MCC: variants seen among roughly 807,000 people sequenced by gnomAD.
The protein encoded by MCC is MCC regulator of Wnt signaling pathway.
A neutral mutation model predicts 116.2 loss-of-function variants in MCC; 90 were observed. The observed-to-expected ratio is 0.77, with a 90% CI of 0.65 to 0.92. The LOEUF (loss-of-function observed/expected upper bound fraction) is 0.92, where lower values mean the gene tolerates loss of function less well. Ranked by LOEUF, MCC falls within the 40% of genes least tolerant of loss-of-function variation. The probability of loss-of-function intolerance (pLI) is 0.00; values close to 1 mark genes in which losing one functional copy is unlikely to be tolerated. For missense variants in MCC, 1,516 were observed against 1,312.2 expected (o/e 1.16, Z -2.40); for synonymous variants, 578 against 510.5 (o/e 1.13, Z -1.78).
chr5:113,138,489 T>C (rs1231281010), intron 5 of MCC, among the ~76,000 whole-genome samples: 1 of 152,134 alleles, frequency 6.6e-6, no homozygotes, highest in Non-Finnish European at 1.5e-5. Flanking sequence ...CTTCCCTCCA[T>C]GTGAGGACAC....
intron 3 of MCC, among the ~76,000 whole-genome samples, chr5:113,157,693 G>C (rs916825038): frequency 6.6e-5 from 10 of 152,230 alleles, no homozygotes; most frequent in African/African-American, 2.2e-4. Context: ...TTCCCACTGA[G>C]TAATGACAGG....
chr5:113,204,659 A>G (rs1762833271), intron 3 of MCC: 1 of 152,262 alleles, frequency 6.6e-6, no homozygotes, highest in Non-Finnish European at 1.5e-5. Context: ...CTCCAGGCAG[A>G]AAACCATGGC....
chr5:113,084,799 T>G (rs780143902), intron 9 of MCC, among the ~76,000 whole-genome samples: 2 of 152,198 alleles, frequency 1.3e-5, no homozygotes, highest in Non-Finnish European at 2.9e-5. Flanking sequence ...GGGGAGATCA[T>G]TGGTTCATTA....
chr5:113,257,039 T>A (rs1176957456), intron 3 of MCC, among the ~76,000 whole-genome samples: 1 of 152,194 alleles, frequency 6.6e-6, no homozygotes, highest in Non-Finnish European at 1.5e-5. Flanking sequence ...TACATCTCGT[T>A]GCACCAAGTG....
At chr5:113,102,968 G>C (rs1756514904) in intron 7 of MCC, among the ~76,000 whole-genome samples, 1 of 152,092 alleles carries the variant, frequency 6.6e-6, no homozygotes, top group African/African-American at 2.4e-5. Context: ...ACAAAATTTA[G>C]CCGGGCGTGG....
chr5:113,111,135 T>C (rs1433607605), intron 6 of MCC, among the ~76,000 whole-genome samples: 1 of 152,250 alleles, frequency 6.6e-6, no homozygotes, highest in African/African-American at 2.4e-5. Context: ...CTTAGGTTTT[T>C]ATGTTGCTGT....
Position 113,025,951 on chromosome 5 carries a change from T to C in MCC, c.*1351A>G, listed in dbSNP as rs1373175008. ...TCAGCTATGGCAATGGAACACATTT[T>C]TCATAGGGAACTTTGGATGGATTCT... On this transcript the variant is annotated 3_prime_UTR_variant, in exon 19 of 19. Coordinates refer to ENST00000408903, the MANE Select transcript of MCC (RefSeq NM_001085377.2). The C allele has an allele frequency of 6.6e-6, 1 of 152,236 alleles. No individual in the cohort carries two copies. The highest frequency in any genetic ancestry group is 1.5e-5 in the Non-Finnish European group (1 of 68,048). 9.4% of individuals were successfully genotyped at this position (152,236 alleles called of 1,614,324 possible). A position where few individuals can be genotyped will look rare whatever the true frequency, so the allele number is the denominator to read the frequency against.
chr5:113,177,987 T>G (rs914420845), intron 3 of MCC, among the ~76,000 whole-genome samples: 2 of 152,258 alleles, frequency 1.3e-5, no homozygotes, highest in Non-Finnish European at 1.5e-5. Flanking sequence ...TATTTCACTA[T>G]GTTAAACCTG....
intron 3 of MCC, among the ~76,000 whole-genome samples, chr5:113,334,430 T>A (rs1767820976): frequency 6.6e-6 from 1 of 151,158 alleles, no homozygotes; most frequent in Non-Finnish European, 1.5e-5. Flanking sequence ...ATGGTCAGAC[T>A]CCCGGGTTCA....
At chr5:113,374,014 A>T (rs775522624) in intron 2 of MCC, among the ~76,000 whole-genome samples, 1 of 151,752 alleles carries the variant, frequency 6.6e-6, no homozygotes, top group Non-Finnish European at 1.5e-5. Flanking sequence ...CTTCCACTTC[A>T]GCCTCCTGGG....
chr5:113,087,942 A>C lies in MCC; in HGVS notation c.1399-2632T>G, dbSNP rs562843243. ...ATGTAGATGACACTAAAACATAAAAACAGTCAAAGTGCTTATGTTCTTTCT... is the reference window on the plus strand; with the variant it reads ...ATGTAGATGACACTAAAACATAAAACCAGTCAAAGTGCTTATGTTCTTTCT... On this transcript the variant is annotated intron_variant, in intron 8 of 18. Transcript: ENST00000408903. Among the ~76,000 whole-genome samples, 9 of 152,300 alleles carry C rather than the reference A, an allele frequency of 5.9e-5. 1 individual carries two copies. Among genetic ancestry groups the C allele is most frequent in the African/African-American group, 1.9e-4 (8 of 41,574 alleles).
intron 1 of MCC, among the ~76,000 whole-genome samples, chr5:113,404,916 C>T (rs1007779718): frequency 2.0e-5 from 3 of 152,170 alleles, no homozygotes; most frequent in Non-Finnish European, 2.9e-5. Context: ...GCACAGACTA[C>T]ATCTGGAAGG....
intron 1 of MCC, among the ~76,000 whole-genome samples, chr5:113,481,663 CG>C (rs1483114970): frequency 6.6e-6 from 1 of 152,042 alleles, no homozygotes; most frequent in Non-Finnish European, 1.5e-5. Flanking sequence ...CGCTTGAACC[CG>C]GGAGGCGGAG....
At chr5:113,423,229 C>T (rs1770388177) in intron 1 of MCC, among the ~76,000 whole-genome samples, 1 of 152,154 alleles carries the variant, frequency 6.6e-6, no homozygotes, top group African/African-American at 2.4e-5. Flanking sequence ...GGCCCCCAAG[C>T]ACAGTGCTGA....
At chr5:113,296,328 G>T (rs1266456513) in intron 3 of MCC, among the ~76,000 whole-genome samples, 1 of 152,190 alleles carries the variant, frequency 6.6e-6, no homozygotes, top group Admixed American at 6.5e-5. Flanking sequence ...AACATGAACA[G>T]AAATGACAAT....
chr5:113,211,013 G>T lies in MCC; in HGVS notation c.628-59591C>A, dbSNP rs958509387. ...AGACTTCTCACTGGTGTAATTAGTG[G>T]TGTTAGAGATATGTGGATTGCCTAT... On this transcript the variant is annotated intron_variant, in intron 3 of 18. Transcript: ENST00000408903. Among the ~76,000 whole-genome samples the T allele has an allele frequency of 4.6e-5, 7 of 152,318 alleles. No homozygotes were observed. The South Asian group carries it at 1.2e-3, about 27-fold the overall frequency.
intron 3 of MCC, among the ~76,000 whole-genome samples, chr5:113,326,015 C>T (rs1767540836): frequency 6.6e-6 from 1 of 152,064 alleles, no homozygotes; most frequent in Non-Finnish European, 1.5e-5. Flanking sequence ...AGCAAACACA[C>T]GAATTAGGGT....
intron 3 of MCC, among the ~76,000 whole-genome samples, chr5:113,158,944 G>C (rs1026815232): frequency 2.6e-5 from 4 of 152,142 alleles, no homozygotes; most frequent in Non-Finnish European, 5.9e-5. Context: ...TGTGTGTGGA[G>C]GGGTGGATGT....
chr5:113,284,617 T>C (rs976181193), intron 3 of MCC, among the ~76,000 whole-genome samples: 13 of 152,256 alleles, frequency 8.5e-5, no homozygotes, highest in Non-Finnish European at 2.9e-5. Flanking sequence ...GCAAGCCTTC[T>C]TCAGGCCTCA....
Sources: gnomAD v4.1 joint callset for allele counts (sites outside exome capture counted in the v4.1 genomes callset) on GRCh38, gnomAD v4.1.1 for gene constraint, MANE v1.5 for transcripts, NCBI Gene and HGNC (gene_info 2026-07-23, HGNC 2026-07-21) for gene names.